Variants in INO80 observed in about 807,000 individuals in gnomAD.
The protein encoded by INO80 is INO80 complex ATPase subunit, also known as chromatin-remodeling ATPase INO80.
INO80 carries 20 observed loss-of-function variants against 203.4 expected under a neutral mutation model. The observed-to-expected ratio is 0.10, with a 90% CI of 0.07 to 0.14. The LOEUF (loss-of-function observed/expected upper bound fraction) is 0.14, where lower values mean the gene tolerates loss of function less well. INO80 is among the 10% of genes least tolerant of loss of function. The pLI is 1.00. For missense variants in INO80, 1,419 were observed against 1,914.4 expected, an observed-to-expected ratio of 0.74 and a Z score of 4.83; for synonymous variants, 726 against 685.2, an observed-to-expected ratio of 1.06 and a Z score of -0.93.
At chr15:41,021,185 T>G (rs2044288755) in intron 25 of INO80, 60 bp from the exon 26 acceptor site, 10 of 1,173,868 alleles carry the variant, frequency 8.5e-6, no homozygotes, top group African/African-American at 1.5e-5. Context: ...ACTATGCCTT[T>G]TGGGAACCTC....
intron 5 of INO80, among the ~76,000 whole-genome samples, chr15:41,090,620 T>G (rs2045623397): frequency 6.6e-6 from 1 of 152,012 alleles, no homozygotes; most frequent in African/African-American, 2.4e-5. Flanking sequence ...TTGTCTGGAC[T>G]GAGGGACAGA....
intron 9 of INO80, among the ~76,000 whole-genome samples, chr15:41,074,960 G>C (rs1314146879): frequency 6.6e-6 from 1 of 152,158 alleles, no homozygotes; most frequent in Admixed American, 6.6e-5. Flanking sequence ...GGCCAGGCTG[G>C]TCTCGAACTG....
intron 34 of INO80, 66 bp downstream of exon 34, chr15:40,983,696 T>C: frequency 7.0e-7 from 1 of 1,426,746 alleles, no homozygotes; most frequent in Non-Finnish European, 9.8e-7. Flanking sequence ...ATCAGGACCT[T>C]ACCCACAACC....
Position 40,982,884 on chromosome 15 carries a change from T to C in INO80, c.4431A>G (p.Ala1477=). The C allele has an allele frequency of 6.2e-7, 1 of 1,613,522 alleles. No individual in the cohort carries two copies. The highest frequency in any genetic ancestry group is 8.5e-7 in the Non-Finnish European group (1 of 1,179,980). Reference sequence around the variant, plus strand: ...TACCTTTAGACACGTTGTACCCGTATGCGGCATAGGCAGCTGCAGAGGCCG... The same window carrying C: ...TACCTTTAGACACGTTGTACCCGTACGCGGCATAGGCAGCTGCAGAGGCCG... The part of the protein sequence containing the change: ...AAAASAAAYA[A]YGYNVSKGIS... Residue 1477 remains alanine, a synonymous_variant, in exon 35 of 36, where the codon GCA becomes GCG. Transcript: ENST00000648947.
At chr15:41,111,836 GA>G (rs1018968497) in intron 1 of INO80, among the ~76,000 whole-genome samples, 1,492 of 146,844 alleles carry the variant, frequency 0.01, 27 homozygotes, top group African/African-American at 0.036. Context: ...CGGGGAGGAG[GA>G]AAAAAAAAAC....
intron 14 of INO80, among the ~76,000 whole-genome samples, chr15:41,065,729 T>C (rs893877236): frequency 6.6e-6 from 1 of 152,124 alleles, no homozygotes; most frequent in African/African-American, 2.4e-5. Context: ...TGACACATGC[T>C]ATAATATGGA....
At chr15:41,097,328 G>C (rs1596325678) in intron 1 of INO80, among the ~76,000 whole-genome samples, 1 of 151,628 alleles carries the variant, frequency 6.6e-6, no homozygotes, top group African/African-American at 2.4e-5. Flanking sequence ...TTACAGGCTT[G>C]AGCCACCGCG....
At chr15:41,093,759 C>CACT (rs1169825159) in intron 4 of INO80, among the ~76,000 whole-genome samples, 1 of 152,018 alleles carries the variant, frequency 6.6e-6, no homozygotes, top group Non-Finnish European at 1.5e-5. Context: ...GCTGGAGGAT[C>CACT]ACTAGAACCC....
At chr15:41,010,995 G>T (rs866565965) in intron 27 of INO80, among the ~76,000 whole-genome samples, 1 of 152,180 alleles carries the variant, frequency 6.6e-6, no homozygotes, top group East Asian at 1.9e-4. Context: ...TATGACAGCC[G>T]TAATTCCCTT....
At chr15:41,110,563 A>G (rs1459462525) in intron 1 of INO80, among the ~76,000 whole-genome samples, 3 of 151,836 alleles carry the variant, frequency 2.0e-5, no homozygotes, top group African/African-American at 7.3e-5. Context: ...TTCGGCCTCC[A>G]GAGTAGCTGG....
At position 41,021,057 on chromosome 15, in the gene INO80, C is replaced by T; in HGVS notation, c.3117G>A (p.Lys1039=). Residue 1039 remains lysine (K), a synonymous_variant, in exon 26 of 36, where the codon AAG becomes AAA. Coordinates refer to ENST00000648947, the MANE Select transcript of INO80 (RefSeq NM_017553.3). ...GCTTGGCTGCCAGACTCCCTCCTTC[C>T]TTCAGAACTCGCCTTTCATATTCTG... ...RSAEYERRVL[K]EGGSLAAKQC... 9 of 1,614,214 alleles carry T rather than the reference C, an allele frequency of 5.6e-6. No individual in the cohort carries two copies. The highest frequency in any genetic ancestry group is 7.6e-6 in the Non-Finnish European group (9 of 1,180,024).
intron 28 of INO80, among the ~76,000 whole-genome samples, chr15:41,000,428 G>A (rs1020873947): frequency 2.0e-5 from 3 of 152,068 alleles, no homozygotes; most frequent in African/African-American, 7.2e-5. Context: ...AGGTGCGGTG[G>A]CTCATGCCTG....
At chr15:41,099,237 CAAAAA>C (rs71104771) in intron 1 of INO80, among the ~76,000 whole-genome samples, 674 of 20,928 alleles carry the variant, frequency 0.032, 1 homozygote, top group African/African-American at 0.079. Context: ...GACCCTGTCT[CAAAAA>C]AAAAAAAAAA....
intron 21 of INO80, 49 bp from the exon 22 acceptor site, chr15:41,048,325 G>C: frequency 7.3e-7 from 1 of 1,377,942 alleles, no homozygotes. Context: ...ATAAATAATG[G>C]AAAGTTAACT....
At chr15:40,985,295 C>T (rs775162487) in intron 32 of INO80, 43 bp downstream of exon 32, 9 of 1,434,862 alleles carry the variant, frequency 6.3e-6, no homozygotes, top group South Asian at 2.3e-5. Context: ...GTAAGTACCC[C>T]AGGCCCCATT....
intron 1 of INO80, among the ~76,000 whole-genome samples, chr15:41,115,457 C>G (rs946733371): frequency 6.6e-6 from 1 of 152,220 alleles, no homozygotes; most frequent in Non-Finnish European, 1.5e-5. Flanking sequence ...CCTGCCCCCA[C>G]CCAACACCAG....
intron 26 of INO80, among the ~76,000 whole-genome samples, chr15:41,019,253 C>T (rs3101437): frequency 0.96 from 145,850 of 152,188 alleles, 70,211 homozygotes; most frequent in East Asian, 1. Context: ...AAAGAGAAAA[C>T]GTAAAAGTAT....
intron 18 of INO80, among the ~76,000 whole-genome samples, chr15:41,054,708 G>A (rs999266187): frequency 2.0e-5 from 3 of 152,064 alleles, no homozygotes; most frequent in African/African-American, 7.2e-5. Context: ...ATGCAATCTC[G>A]GCTCACCGCA....
chr15:41,097,994 G>A (rs1362502017), intron 1 of INO80, among the ~76,000 whole-genome samples: 1 of 152,038 alleles, frequency 6.6e-6, no homozygotes, highest in African/African-American at 2.4e-5. Context: ...GAAATGATAA[G>A]TTTTTTTGTT....
Sources: allele counts gnomAD v4.1 joint callset (sites outside exome capture counted in the v4.1 genomes callset), GRCh38; gene constraint gnomAD v4.1.1; transcripts MANE v1.5; gene names NCBI Gene and HGNC (gene_info 2026-07-23, HGNC 2026-07-21).